The following ADGRL2 variants were observed in gnomAD, a reference collection of about 807,000 sequenced individuals.
ADGRL2 encodes the protein adhesion G protein-coupled receptor L2.
ADGRL2 carries 44 observed loss-of-function variants against 157.4 expected under a neutral mutation model. The ratio of observed to expected loss-of-function variants is 0.28; its 90% confidence interval spans 0.22 to 0.36. The LOEUF is 0.36. ADGRL2 is among the 10% of genes least tolerant of loss of function. The pLI is 1.00. For synonymous variants in ADGRL2, 585 were observed against 624.7 expected, an observed-to-expected ratio of 0.94 and a Z score of 0.95; for missense variants, 1,510 against 1,768.9, an observed-to-expected ratio of 0.85 and a Z score of 2.63.
intron 3 of ADGRL2, among the ~76,000 whole-genome samples, chr1:81,655,721 T>C (rs959858386): frequency 1.3e-5 from 2 of 152,206 alleles, no homozygotes; most frequent in African/African-American, 4.8e-5. Context: ...GGCTGTCTTC[T>C]TTGTGATACC....
chr1:81,307,158 GA>G (rs139709647), intron 1 of ADGRL2, among the ~76,000 whole-genome samples: 6,185 of 152,224 alleles, frequency 0.041, 390 homozygotes, highest in African/African-American at 0.13. Flanking sequence ...TTGTATTACA[GA>G]AAAGTTTAAT....
At chr1:81,582,735 G>C (rs950187357) in intron 3 of ADGRL2, among the ~76,000 whole-genome samples, 1 of 152,062 alleles carries the variant, frequency 6.6e-6, no homozygotes, top group African/African-American at 2.4e-5. Context: ...ACAATCCTTC[G>C]TAAAATTCAG....
intron 1 of ADGRL2, among the ~76,000 whole-genome samples, chr1:81,369,096 A>G (rs1014392430): frequency 1.4e-5 from 2 of 148,136 alleles, no homozygotes; most frequent in Non-Finnish European, 3.0e-5. Flanking sequence ...AGGAATAATA[A>G]GAGAAAATAA....
chr1:81,596,200 A>AAGTCATCT (rs1303793052), intron 3 of ADGRL2: 1 of 562,394 alleles, frequency 1.8e-6, no homozygotes, highest in Non-Finnish European at 3.4e-6. Flanking sequence ...CTCAATACTG[A>AAGTCATCT]AGTCATCTGC....
chr1:81,722,353 G>T, intron 1 of ADGRL2: 2 of 724,040 alleles, frequency 2.8e-6, no homozygotes, highest in South Asian at 2.8e-5. Flanking sequence ...ATAAGAAAGT[G>T]GTTGCTATTG....
chr1:81,924,574 TAGTA>T (rs2095061361), intron 3 of ADGRL2, among the ~76,000 whole-genome samples: 1 of 152,106 alleles, frequency 6.6e-6, no homozygotes, highest in African/African-American at 2.4e-5. Flanking sequence ...CCTGTGGTGT[TAGTA>T]AGTCAATCAG....
intron 3 of ADGRL2, among the ~76,000 whole-genome samples, chr1:81,909,455 C>T (rs2094660542): frequency 6.6e-6 from 1 of 152,064 alleles, no homozygotes; most frequent in African/African-American, 2.4e-5. Context: ...GTATAGAATT[C>T]CTTGTATCCT....
chr1:81,845,999 G>T (rs1185731365), intron 2 of ADGRL2, among the ~76,000 whole-genome samples: 2 of 151,516 alleles, frequency 1.3e-5, no homozygotes, highest in Admixed American at 6.6e-5. Flanking sequence ...TTTCCCTGTA[G>T]CTCTTAAATA....
At chr1:81,375,991 A>G (rs1300438131) in intron 1 of ADGRL2, among the ~76,000 whole-genome samples, 1 of 152,210 alleles carries the variant, frequency 6.6e-6, no homozygotes, top group Admixed American at 6.5e-5. Context: ...TCAATTTTTA[A>G]AACACAAATC....
At chr1:81,458,952 G>A (rs1229218753) in intron 2 of ADGRL2, among the ~76,000 whole-genome samples, 3 of 152,160 alleles carry the variant, frequency 2.0e-5, no homozygotes, top group South Asian at 4.1e-4. Context: ...TGGAGAGTGA[G>A]TGGGGCAGAG....
At chr1:81,961,028 A>C (rs1655184959) in intron 11 of ADGRL2, among the ~76,000 whole-genome samples, 1 of 152,188 alleles carries the variant, frequency 6.6e-6, no homozygotes, top group Non-Finnish European at 1.5e-5. Context: ...CTCCTGGCAG[A>C]GGTCATAGTT....
intron 2 of ADGRL2, among the ~76,000 whole-genome samples, chr1:81,477,815 T>A (rs1244526567): frequency 6.6e-6 from 1 of 152,222 alleles, no homozygotes; most frequent in African/African-American, 2.4e-5. Flanking sequence ...GTGATTCAGC[T>A]GCTTCAGGTC....
At chr1:81,392,220 A>G (rs1203910245) in intron 1 of ADGRL2, among the ~76,000 whole-genome samples, 1 of 67,490 alleles carries the variant, frequency 1.5e-5, no homozygotes, top group Non-Finnish European at 3.8e-5. Flanking sequence ...CTCCTACCCC[A>G]TCCCCACAAA....
At chr1:81,663,113 G>A (rs2082689853) in intron 3 of ADGRL2, among the ~76,000 whole-genome samples, 1 of 148,074 alleles carries the variant, frequency 6.8e-6, no homozygotes, top group East Asian at 2.0e-4. Flanking sequence ...GCACAGGGAG[G>A]GACTCTGGAA....
At chr1:81,408,262 AT>A (rs1356385919) in intron 1 of ADGRL2, among the ~76,000 whole-genome samples, 9 of 152,184 alleles carry the variant, frequency 5.9e-5, no homozygotes, top group Non-Finnish European at 4.4e-5. Context: ...ATTTTGTGAA[AT>A]TACAGCAAAA....
At chr1:81,311,473 G>A (rs982215789) in intron 1 of ADGRL2, among the ~76,000 whole-genome samples, 1 of 152,176 alleles carries the variant, frequency 6.6e-6, no homozygotes, top group African/African-American at 2.4e-5. Flanking sequence ...CTACTTGAGG[G>A]TGAAAATCAT....
At chr1:81,835,444 G>A (rs2092224827) in intron 1 of ADGRL2, among the ~76,000 whole-genome samples, 1 of 152,098 alleles carries the variant, frequency 6.6e-6, no homozygotes, top group Non-Finnish European at 1.5e-5. Flanking sequence ...TTTAAGGCAG[G>A]CACATTGCTA....
intron 1 of ADGRL2, among the ~76,000 whole-genome samples, chr1:81,400,575 T>C (rs1227616099): frequency 6.6e-6 from 1 of 152,030 alleles, no homozygotes; most frequent in Non-Finnish European, 1.5e-5. Flanking sequence ...CCTGAGCCAA[T>C]AAGTCTCAGT....
chr1:81,789,086 C>G (rs1483790022), intron 2 of ADGRL2, among the ~76,000 whole-genome samples: 1 of 152,068 alleles, frequency 6.6e-6, no homozygotes, highest in African/African-American at 2.4e-5. Context: ...AAAAATGAAA[C>G]AAAACCAAGG....
Sources: gnomAD v4.1 joint callset for allele counts (sites outside exome capture counted in the v4.1 genomes callset) on GRCh38, gnomAD v4.1.1 for gene constraint, MANE v1.5 for transcripts, NCBI Gene and HGNC (gene_info 2026-07-23, HGNC 2026-07-21) for gene names.